ELF1: variants seen among roughly 807,000 people sequenced by gnomAD.
ELF1 encodes ETS-related transcription factor Elf-1.
Under a neutral mutation model 59.9 loss-of-function variants are expected in ELF1, and 24 were observed. The observed-to-expected ratio is 0.40, with a 90% CI of 0.29 to 0.56. The LOEUF is 0.56. Ranked by LOEUF, ELF1 falls within the 20% of genes least tolerant of loss-of-function variation. The pLI is 0.44. For missense variants in ELF1, 627 were observed against 742.2 expected (o/e 0.84, Z 1.80); for synonymous variants, 248 against 266.2 (o/e 0.93, Z 0.67).
chr13:40,965,344 G>A (rs116513991), intron 2 of ELF1, among the ~76,000 whole-genome samples: 1,719 of 152,222 alleles, frequency 0.011, 38 homozygotes, highest in African/African-American at 0.039. Flanking sequence ...GGTGTTGGCC[G>A]GGTGCAGTGG....
At chr13:40,979,134 T>C (rs1424449437) in intron 2 of ELF1, among the ~76,000 whole-genome samples, 1 of 151,942 alleles carries the variant, frequency 6.6e-6, no homozygotes. Flanking sequence ...TAAAAGAATA[T>C]TTGTATTTAT....
intron 1 of ELF1, among the ~76,000 whole-genome samples, chr13:41,053,008 T>G (rs1248351504): frequency 2.0e-5 from 3 of 152,156 alleles, no homozygotes; most frequent in Non-Finnish European, 2.9e-5. Flanking sequence ...CACTTAAAGT[T>G]TATTGCATTT....
intron 1 of ELF1, among the ~76,000 whole-genome samples, chr13:41,014,330 AATG>A (rs903920031): frequency 1.1e-4 from 16 of 152,278 alleles, no homozygotes; most frequent in African/African-American, 3.8e-4. Flanking sequence ...GGGCTCTGAC[AATG>A]AGGATGATGT....
At chr13:40,980,217 T>C (rs998320756) in intron 2 of ELF1, among the ~76,000 whole-genome samples, 1 of 152,194 alleles carries the variant, frequency 6.6e-6, no homozygotes, top group African/African-American at 2.4e-5. Context: ...GGCTCTACTA[T>C]TTACTGGCTG....
rs41306656 is a variant in ELF1 at position 40,933,913 on chromosome 13, A to G, written c.1372T>C (p.Ser458Pro). ...AACTTCTGAGATCCAGTACCTGCTG[A>G]TGGATCTGTGCTGGCTATAACTGTT... Reference protein sequence around the residue: ...LTTVIASTDPSAGTGSQKFIL... With the variant: ...LTTVIASTDPPAGTGSQKFIL... The change falls in exon 9 of 9, where the codon TCA becomes CCA. Residue 458 changes from serine (S) to proline (P), a missense_variant. Coordinates refer to ENST00000239882, the MANE Select transcript of ELF1 (RefSeq NM_172373.4). The G allele has an allele frequency of 1.3e-3, 2,179 of 1,614,232 alleles. 5 individuals are homozygous for G. Among genetic ancestry groups the G allele is most frequent in the East Asian group, 0.012 (561 of 44,886 alleles).
chr13:41,061,002 C>T (rs1490931667), exon 1 of ELF1: 6 of 244,366 alleles, frequency 2.5e-5, no homozygotes, highest in Non-Finnish European at 8.3e-6. Flanking sequence ...AGCGCGTGGG[C>T]GTCGTAGGGG....
chr13:41,050,084 T>C (rs574225412), intron 1 of ELF1, among the ~76,000 whole-genome samples: 132 of 152,338 alleles, frequency 8.7e-4, no homozygotes, highest in African/African-American at 3.0e-3. Context: ...AGTTCAATAG[T>C]CTTTAGTACA....
chr13:41,014,718 T>C (rs746574134), intron 1 of ELF1, among the ~76,000 whole-genome samples: 1 of 152,110 alleles, frequency 6.6e-6, no homozygotes, highest in Admixed American at 6.5e-5. Flanking sequence ...AGGAGCAAAA[T>C]AGTCTGGCTA....
chr13:40,934,199 A>G (rs1869608790), intron 8 of ELF1, among the ~76,000 whole-genome samples, 171 bp from the exon 9 acceptor site: 1 of 152,190 alleles, frequency 6.6e-6, no homozygotes, highest in Non-Finnish European at 1.5e-5. Context: ...ATTAAACACT[A>G]CATACAGAGA....
At position 40,975,443 on chromosome 13, in the gene ELF1, C is replaced by T. The variant is rs17061691; in HGVS notation, c.72+6540G>A. Among the ~76,000 whole-genome samples, 864 of 152,270 alleles carry T rather than the reference C, an allele frequency of 5.7e-3. 8 individuals are homozygous for T. Among genetic ancestry groups the T allele is most frequent in the South Asian group, 0.013 (63 of 4,824 alleles). On this transcript the variant is annotated intron_variant, in intron 2 of 8. Transcript: ENST00000239882. ...GTAGAGGGAAAAACAAAAGCATCCA[C>T]ATGCCTACAACCAGATTTAATAAAT...
At chr13:41,005,204 A>G (rs1475893399) in intron 1 of ELF1, among the ~76,000 whole-genome samples, 1 of 152,164 alleles carries the variant, frequency 6.6e-6, no homozygotes, top group Non-Finnish European at 1.5e-5. Flanking sequence ...AGCCAATAAA[A>G]AAGTATTTTG....
At chr13:41,000,496 C>G (rs1874371444) in intron 1 of ELF1, among the ~76,000 whole-genome samples, 2 of 151,846 alleles carry the variant, frequency 1.3e-5, no homozygotes, top group Non-Finnish European at 2.9e-5. Context: ...GCTGGGATTA[C>G]AGGCGTGAGC....
chr13:41,020,336 C>G (rs1391814956), upstream of ELF1, among the ~76,000 whole-genome samples: 2 of 152,154 alleles, frequency 1.3e-5, no homozygotes, highest in East Asian at 1.9e-4. Flanking sequence ...ACTTCCAAAG[C>G]GCTTGAAATG....
chr13:41,002,412 G>T (rs987769941), intron 1 of ELF1, among the ~76,000 whole-genome samples: 1 of 151,946 alleles, frequency 6.6e-6, no homozygotes, highest in Non-Finnish European at 1.5e-5. Flanking sequence ...GGAGGCCAGA[G>T]TGGGTGGATC....
At chr13:41,034,511 TAC>T (rs1209399672) in intron 1 of ELF1, among the ~76,000 whole-genome samples, 3 of 152,178 alleles carry the variant, frequency 2.0e-5, no homozygotes, top group Admixed American at 2.0e-4. Context: ...TAAGAAAGAA[TAC>T]AGTCTGTAAT....
chr13:41,037,660 G>GT (rs1876439873), intron 1 of ELF1, among the ~76,000 whole-genome samples: 1 of 152,050 alleles, frequency 6.6e-6, no homozygotes, highest in Non-Finnish European at 1.5e-5. Context: ...GCCGGGCATG[G>GT]TGGCGCATGC....
chr13:41,037,049 C>T (rs1593406920), intron 1 of ELF1, among the ~76,000 whole-genome samples: 1 of 151,946 alleles, frequency 6.6e-6, no homozygotes, highest in Non-Finnish European at 1.5e-5. Context: ...CACATGTATA[C>T]ATATGTAACA....
chr13:41,011,847 G>A (rs553249058), intron 1 of ELF1, among the ~76,000 whole-genome samples: 1 of 151,600 alleles, frequency 6.6e-6, no homozygotes, highest in South Asian at 2.1e-4. Context: ...TCAACCTCAA[G>A]TTCCCAAGTG....
chr13:40,964,052 C>G (rs1453687650), intron 2 of ELF1, among the ~76,000 whole-genome samples: 1 of 152,124 alleles, frequency 6.6e-6, no homozygotes, highest in Non-Finnish European at 1.5e-5. Context: ...AATGCACACT[C>G]CTGAAACTCC....
Sources: allele counts gnomAD v4.1 joint callset (sites outside exome capture counted in the v4.1 genomes callset), GRCh38; gene constraint gnomAD v4.1.1; transcripts MANE v1.5; gene names NCBI Gene and HGNC (gene_info 2026-07-23, HGNC 2026-07-21).